The following IGSF21 variants were observed in gnomAD, a reference collection of about 807,000 sequenced individuals.
IGSF21 encodes the protein immunoglobin superfamily member 21, also known as immunoglobulin superfamily member 21.
IGSF21 carries 28 observed loss-of-function variants against 46.8 expected under a neutral mutation model. The observed-to-expected ratio is 0.60, with a 90% CI of 0.44 to 0.82. The LOEUF is 0.82. Among genes scored for constraint, IGSF21 ranks in the 40% least tolerant of loss-of-function variants. The pLI is 0.00. For missense variants in IGSF21, 624 were observed against 665.5 expected, an observed-to-expected ratio of 0.94 and a Z score of 0.69; for synonymous variants, 284 against 273.6, an observed-to-expected ratio of 1.04 and a Z score of -0.38.
At chr1:18,265,845 G>C (rs1000096651) in intron 2 of IGSF21, among the ~76,000 whole-genome samples, 1 of 152,210 alleles carries the variant, frequency 6.6e-6, no homozygotes, top group East Asian at 1.9e-4. Context: ...GCTGAGGAGC[G>C]GGCAAGGTGC....
At chr1:18,293,862 T>G (rs1439255330) in intron 3 of IGSF21, among the ~76,000 whole-genome samples, 1 of 152,116 alleles carries the variant, frequency 6.6e-6, no homozygotes, top group African/African-American at 2.4e-5. Flanking sequence ...GATTTCTAGC[T>G]AAGAAAGAAA....
chr1:18,353,837 G>A (rs992508189), intron 4 of IGSF21, among the ~76,000 whole-genome samples: 1 of 152,210 alleles, frequency 6.6e-6, no homozygotes, highest in African/African-American at 2.4e-5. Context: ...AAGGTGTAAG[G>A]GTTGGAGAAG....
At chr1:18,265,310 T>C (rs2084980265) in intron 2 of IGSF21, among the ~76,000 whole-genome samples, 1 of 152,196 alleles carries the variant, frequency 6.6e-6, no homozygotes, top group Non-Finnish European at 1.5e-5. Context: ...ACAAGCCCCA[T>C]ATCACCTTTC....
intron 1 of IGSF21, chr1:18,114,817 G>C (rs2086174489): frequency 6.6e-6 from 1 of 152,240 alleles, no homozygotes; most frequent in African/African-American, 2.4e-5. Flanking sequence ...TGCGAGCTCA[G>C]CCTTCCTCCC....
At chr1:18,116,214 G>T (rs1294313193) in intron 1 of IGSF21, among the ~76,000 whole-genome samples, 1 of 152,052 alleles carries the variant, frequency 6.6e-6, no homozygotes, top group Non-Finnish European at 1.5e-5. Context: ...ATGGAAATCG[G>T]CAAACTATAC....
chr1:18,149,088 TC>T (rs2086496906), intron 1 of IGSF21, among the ~76,000 whole-genome samples: 1 of 152,170 alleles, frequency 6.6e-6, no homozygotes, highest in Admixed American at 6.5e-5. Flanking sequence ...GTCTGCATGC[TC>T]CGTAGTACTC....
chr1:18,373,784 C>A (rs914168031), intron 6 of IGSF21, among the ~76,000 whole-genome samples: 1 of 151,880 alleles, frequency 6.6e-6, no homozygotes, highest in Non-Finnish European at 1.5e-5. Flanking sequence ...CAAGCCACTG[C>A]CCCCCTGGAG....
intron 1 of IGSF21, among the ~76,000 whole-genome samples, chr1:18,183,315 A>G (rs890489392): frequency 6.6e-6 from 1 of 152,206 alleles, no homozygotes; most frequent in Non-Finnish European, 1.5e-5. Context: ...CTTCCTTTCC[A>G]TTAAGTTGTA....
At chr1:18,200,444 G>T (rs909738868) in intron 1 of IGSF21, among the ~76,000 whole-genome samples, 1 of 152,120 alleles carries the variant, frequency 6.6e-6, no homozygotes, top group Non-Finnish European at 1.5e-5. Flanking sequence ...TCTGATTCCT[G>T]CAGGGAATAA....
intron 4 of IGSF21, among the ~76,000 whole-genome samples, chr1:18,350,093 C>T (rs972257618): frequency 9.2e-5 from 14 of 152,232 alleles, no homozygotes; most frequent in Admixed American, 3.3e-4. Context: ...GGAAAGGGCC[C>T]TCGCTCCTCC....
intron 1 of IGSF21, among the ~76,000 whole-genome samples, chr1:18,203,693 G>A (rs1417787429): frequency 6.6e-6 from 1 of 152,208 alleles, no homozygotes; most frequent in Non-Finnish European, 1.5e-5. Flanking sequence ...CAGAATGAGA[G>A]CAGCAGAGTC....
At chr1:18,299,692 G>C (rs2085343121) in intron 3 of IGSF21, among the ~76,000 whole-genome samples, 1 of 152,176 alleles carries the variant, frequency 6.6e-6, no homozygotes, top group Admixed American at 6.5e-5. Context: ...TGACCTGCTG[G>C]AAACCCGTTC....
At chr1:18,296,413 T>C (rs980095063) in intron 3 of IGSF21, among the ~76,000 whole-genome samples, 7 of 152,172 alleles carry the variant, frequency 4.6e-5, no homozygotes, top group Non-Finnish European at 7.3e-5. Context: ...TGAGTGTTTT[T>C]TGCTGGGTTG....
intron 1 of IGSF21, among the ~76,000 whole-genome samples, chr1:18,168,252 C>T (rs925769520): frequency 8.5e-5 from 13 of 152,166 alleles, no homozygotes; most frequent in Admixed American, 7.9e-4. Context: ...CCCTTAAACG[C>T]TGCCATTAAG....
chr1:18,266,897 T>G (rs1458009502), intron 2 of IGSF21, among the ~76,000 whole-genome samples: 1 of 152,164 alleles, frequency 6.6e-6, no homozygotes, highest in Admixed American at 6.5e-5. Flanking sequence ...GGATTCCACC[T>G]CTGTGAGCTC....
At chr1:18,244,963 G>C (rs1253026878) in intron 2 of IGSF21, among the ~76,000 whole-genome samples, 1 of 152,116 alleles carries the variant, frequency 6.6e-6, no homozygotes, top group Non-Finnish European at 1.5e-5. Context: ...TAACCTCTCT[G>C]TGCTCCAGTT....
At chr1:18,338,867 A>ATT (rs2085799350) in intron 4 of IGSF21, among the ~76,000 whole-genome samples, 1 of 150,870 alleles carries the variant, frequency 6.6e-6, no homozygotes, top group African/African-American at 2.4e-5. Context: ...TCATGGAAGG[A>ATT]TTTTGAAGGT....
intron 3 of IGSF21, among the ~76,000 whole-genome samples, chr1:18,295,997 G>T (rs2085308849): frequency 6.6e-6 from 1 of 152,218 alleles, no homozygotes; most frequent in South Asian, 2.1e-4. Flanking sequence ...TGAGCGGGCA[G>T]TTCTGGGTAT....
At chr1:18,216,620 T>C (rs1184066078) in intron 1 of IGSF21, among the ~76,000 whole-genome samples, 1 of 151,998 alleles carries the variant, frequency 6.6e-6, no homozygotes, top group Admixed American at 6.6e-5. Flanking sequence ...GTGAGAGTTA[T>C]TGGAGAAGCA....
Sources: allele counts gnomAD v4.1 joint callset (sites outside exome capture counted in the v4.1 genomes callset), GRCh38; gene constraint gnomAD v4.1.1; transcripts MANE v1.5; gene names NCBI Gene and HGNC (gene_info 2026-07-23, HGNC 2026-07-21).